Variants in OXSR1 observed in about 807,000 individuals in gnomAD.
The protein encoded by OXSR1 is serine/threonine-protein kinase OSR1.
A neutral mutation model predicts 79.8 loss-of-function variants in OXSR1; 24 were observed. The observed-to-expected ratio is 0.30, with a 90% CI of 0.22 to 0.42. The LOEUF is 0.42. Among genes scored for constraint, OXSR1 ranks in the 10% least tolerant of loss-of-function variants. The pLI is 1.00. For missense variants in OXSR1, 430 were observed against 618.4 expected, an observed-to-expected ratio of 0.70 and a Z score of 3.23; for synonymous variants, 226 against 209.2, an observed-to-expected ratio of 1.08 and a Z score of -0.69.
chr3:38,239,489 C>T (rs898247824), intron 11 of OXSR1, among the ~76,000 whole-genome samples: 1 of 152,150 alleles, frequency 6.6e-6, no homozygotes, highest in South Asian at 2.1e-4. Flanking sequence ...GCCATTTATT[C>T]CCCATTACTG....
At chr3:38,246,371 T>C (rs1432369135) in intron 13 of OXSR1, 150 bp downstream of exon 13, 2 of 710,464 alleles carry the variant, frequency 2.8e-6, no homozygotes, top group Non-Finnish European at 4.5e-6. Flanking sequence ...TTTAAGCATG[T>C]ACAGGTAAGA....
At position 38,254,090 on chromosome 3, in the gene OXSR1, C is replaced by T. The variant is rs1040231092; in HGVS notation, c.*1199C>T. On this transcript the variant is annotated 3_prime_UTR_variant, in exon 18 of 18. Coordinates refer to ENST00000311806, the MANE Select transcript of OXSR1 (RefSeq NM_005109.3). ...GAGGTTGATTTTTCTTTTTTCCTACCGTTTCATAGTCTTTGTCTAACTGCT... is the reference window on the plus strand; with the variant it reads ...GAGGTTGATTTTTCTTTTTTCCTACTGTTTCATAGTCTTTGTCTAACTGCT... 12 of 397,820 alleles carry T rather than the reference C, an allele frequency of 3.0e-5. No individual in the cohort carries two copies. The highest frequency in any genetic ancestry group is 1.3e-4 in the Admixed American group (3 of 22,682). The allele number at this position is 397,820 out of a possible 1,614,324, so 24.6% of individuals were successfully genotyped here. A position where few individuals can be genotyped will look rare whatever the true frequency, so the allele number is the denominator to read the frequency against.
chr3:38,189,091 T>C (rs1701937437), intron 2 of OXSR1, among the ~76,000 whole-genome samples: 1 of 152,146 alleles, frequency 6.6e-6, no homozygotes, highest in Non-Finnish European at 1.5e-5. Context: ...TTTATGAAAA[T>C]CATATGTACC....
intron 8 of OXSR1, among the ~76,000 whole-genome samples, chr3:38,228,782 C>T (rs1158454762): frequency 6.6e-6 from 1 of 152,176 alleles, no homozygotes; most frequent in Non-Finnish European, 1.5e-5. Context: ...CCATATTGGC[C>T]AGGCTGGTCT....
intron 2 of OXSR1, among the ~76,000 whole-genome samples, chr3:38,190,061 A>G (rs1031541595): frequency 1.3e-5 from 2 of 152,202 alleles, no homozygotes; most frequent in African/African-American, 4.8e-5. Context: ...AGCAGAGATG[A>G]TAGGGGAAGT....
chr3:38,221,476 C>A, intron 5 of OXSR1, 102 bp from the exon 6 acceptor site: 1 of 628,822 alleles, frequency 1.6e-6, no homozygotes, highest in Non-Finnish European at 2.8e-6. Context: ...AACTATCATG[C>A]TTTTTATTTA....
chr3:38,223,946 C>G (rs1413266094), intron 7 of OXSR1, 33 bp downstream of exon 7: 1 of 1,327,220 alleles, frequency 7.5e-7, no homozygotes, highest in Non-Finnish European at 1.1e-6. Context: ...TACCCCAGCT[C>G]AAGTCCCAAT....
At position 38,255,296 on chromosome 3, in the gene OXSR1, C is replaced by G. The variant is rs1304659717; in HGVS notation, c.*2405C>G. 5.6e-4 allele frequency: 86 copies of G among 152,578 alleles called. No homozygotes were observed. The highest frequency in any genetic ancestry group is 1.5e-5 in the Non-Finnish European group (1 of 68,036). The allele number at this position is 152,578 out of a possible 1,614,324, so 9.5% of individuals were successfully genotyped here. A position where few individuals can be genotyped will look rare whatever the true frequency, so the allele number is the denominator to read the frequency against. On this transcript the variant is annotated 3_prime_UTR_variant, in exon 18 of 18. Coordinates refer to ENST00000311806, the MANE Select transcript of OXSR1 (RefSeq NM_005109.3). Reference sequence around the variant, plus strand: ...TTTTGCTTAAGTTTTGAACCAAATCCTAGAGCCAGCTGATAATATTTAATA... The same window carrying G: ...TTTTGCTTAAGTTTTGAACCAAATCGTAGAGCCAGCTGATAATATTTAATA...
At chr3:38,173,511 C>T (rs1049420955) in intron 1 of OXSR1, among the ~76,000 whole-genome samples, 6 of 152,034 alleles carry the variant, frequency 3.9e-5, no homozygotes, top group African/African-American at 1.5e-4. Context: ...ACCATGAATA[C>T]CTATCACATG....
chr3:38,183,413 A>C (rs907956293), intron 2 of OXSR1, among the ~76,000 whole-genome samples: 1 of 152,208 alleles, frequency 6.6e-6, no homozygotes, highest in African/African-American at 2.4e-5. Context: ...ATAATTTATC[A>C]TAGAACTTTT....
chr3:38,184,903 C>CTTTTTT (rs1213000624), intron 2 of OXSR1, among the ~76,000 whole-genome samples: 2 of 22,888 alleles, frequency 8.7e-5, no homozygotes, highest in Admixed American at 3.1e-4. Flanking sequence ...AAGAACATTT[C>CTTTTTT]TTTTTTTTTT....
At chr3:38,170,769 A>C (rs1701565828) in intron 1 of OXSR1, among the ~76,000 whole-genome samples, 1 of 152,114 alleles carries the variant, frequency 6.6e-6, no homozygotes, top group East Asian at 1.9e-4. Context: ...ATTGTCTCAC[A>C]GATTAAGGGA....
chr3:38,180,297 A>G (rs551182865), intron 1 of OXSR1, among the ~76,000 whole-genome samples: 2 of 152,284 alleles, frequency 1.3e-5, no homozygotes, highest in East Asian at 1.9e-4. Context: ...TCATGGGTCA[A>G]CTGTACTCAT....
At chr3:38,188,109 TG>T (rs1441198464) in intron 2 of OXSR1, among the ~76,000 whole-genome samples, 2 of 152,220 alleles carry the variant, frequency 1.3e-5, no homozygotes, top group African/African-American at 4.8e-5. Flanking sequence ...CTTTGGATTT[TG>T]TGTTTTTTTG....
At chr3:38,172,355 T>A (rs1701598127) in intron 1 of OXSR1, among the ~76,000 whole-genome samples, 1 of 152,216 alleles carries the variant, frequency 6.6e-6, no homozygotes, top group African/African-American at 2.4e-5. Context: ...ATGATATTGC[T>A]AATAATACAA....
chr3:38,216,683 C>A (rs1437034473), intron 5 of OXSR1, among the ~76,000 whole-genome samples: 1 of 152,074 alleles, frequency 6.6e-6, no homozygotes, highest in Non-Finnish European at 1.5e-5. Flanking sequence ...GCTGAGACTC[C>A]AGAATGACTG....
chr3:38,192,405 A>G (rs1249280381), intron 3 of OXSR1, among the ~76,000 whole-genome samples: 1 of 152,204 alleles, frequency 6.6e-6, no homozygotes, highest in Non-Finnish European at 1.5e-5. Context: ...TAGAAAGCAT[A>G]ACTTGGATGC....
intron 11 of OXSR1, among the ~76,000 whole-genome samples, chr3:38,238,316 A>G (rs929295528): frequency 1.8e-4 from 27 of 152,222 alleles, no homozygotes; most frequent in African/African-American, 5.3e-4. Flanking sequence ...GTAGGGTGCA[A>G]TGATGGTTCA....
intron 4 of OXSR1, among the ~76,000 whole-genome samples, chr3:38,201,168 G>A (rs1575330288): frequency 6.6e-6 from 1 of 151,510 alleles, no homozygotes; most frequent in South Asian, 2.1e-4. Flanking sequence ...AATCTCACAA[G>A]TAGCAGGGAT....
Sources: gnomAD v4.1 joint callset for allele counts (sites outside exome capture counted in the v4.1 genomes callset) on GRCh38, gnomAD v4.1.1 for gene constraint, MANE v1.5 for transcripts, NCBI Gene and HGNC (gene_info 2026-07-23, HGNC 2026-07-21) for gene names.